Variants in MTF1 observed in about 807,000 individuals in gnomAD.
MTF1 encodes metal regulatory transcription factor 1.
MTF1 carries 22 observed loss-of-function variants against 70.4 expected under a neutral mutation model. The ratio of observed to expected loss-of-function variants is 0.31; its 90% CI spans 0.22 to 0.45. The LOEUF (loss-of-function observed/expected upper bound fraction) is 0.45. MTF1 is among the 20% of genes least tolerant of loss of function. MTF1 has a pLI of 1.00. For missense variants in MTF1, 649 were observed against 922.0 expected (o/e 0.70, Z 3.83); for synonymous variants, 333 against 352.8 (o/e 0.94, Z 0.63).
chr1:37,824,173 C>T (rs571555703), intron 7 of MTF1, among the ~76,000 whole-genome samples: 1 of 152,128 alleles, frequency 6.6e-6, no homozygotes, highest in Admixed American at 6.6e-5. Flanking sequence ...CAGGAATTGG[C>T]ACACTATGAC....
chr1:37,830,987 G>T (rs1641078057), intron 7 of MTF1, among the ~76,000 whole-genome samples: 1 of 152,242 alleles, frequency 6.6e-6, no homozygotes, highest in African/African-American at 2.4e-5. Flanking sequence ...AAGCCAGTAA[G>T]ATTGAGTTTT....
At chr1:37,828,371 T>A (rs1288177860) in intron 7 of MTF1, among the ~76,000 whole-genome samples, 1 of 152,134 alleles carries the variant, frequency 6.6e-6, no homozygotes, top group East Asian at 1.9e-4. Flanking sequence ...ATGGCACGAT[T>A]TCAGCTCACT....
chr1:37,815,609 G>A lies in MTF1; in HGVS notation c.1832-43C>T. The A allele has an allele frequency of 6.8e-7, 1 of 1,461,160 alleles. No individual in the cohort carries two copies. Among genetic ancestry groups the A allele is most frequent in the Non-Finnish European group, 9.2e-7 (1 of 1,084,452 alleles). The allele number at this position is 1,461,160 out of a possible 1,614,324, so 90.5% of individuals were successfully genotyped here. The stretch of plus-strand genomic sequence containing the variant: ...GAGACTGCTCTTCAAGTAGCTGCAG[G>A]GGCAGGAGCATGAGGGACAGGGATA... On this transcript the variant is annotated intron_variant, in intron 10 of 10. Transcript: ENST00000373036. This position sits in a 1 kb window ranked among gnomAD's most constrained non-coding sequence, Gnocchi z 4.5.
intron 2 of MTF1, among the ~76,000 whole-genome samples, chr1:37,845,725 G>C (rs1177613231): frequency 6.6e-6 from 1 of 152,038 alleles, no homozygotes; most frequent in Non-Finnish European, 1.5e-5. Flanking sequence ...AGGCTGGTCG[G>C]GAACTCCTGG....
chr1:37,829,981 A>G (rs1423769477), intron 7 of MTF1, among the ~76,000 whole-genome samples: 1 of 152,020 alleles, frequency 6.6e-6, no homozygotes, highest in Non-Finnish European at 1.5e-5. Context: ...TCCCTTTTTC[A>G]TAAGTACTTG....
At chr1:37,846,091 A>G (rs1366338183) in intron 2 of MTF1, among the ~76,000 whole-genome samples, 2 of 152,228 alleles carry the variant, frequency 1.3e-5, no homozygotes, top group Admixed American at 6.5e-5. Flanking sequence ...TTTCAATACA[A>G]CTAAGGTTTA....
chr1:37,836,867 CAGTTTT>C (rs1368725742), intron 4 of MTF1, among the ~76,000 whole-genome samples: 1 of 149,670 alleles, frequency 6.7e-6, no homozygotes, highest in Non-Finnish European at 1.5e-5. Context: ...AAGAAAAATG[CAGTTTT>C]AATCATCACA....
Position 37,838,595 on chromosome 1 carries a change from C to A in MTF1, c.779+30G>T. The A allele has an allele frequency of 1.9e-6, 3 of 1,587,314 alleles. No homozygotes were observed. The South Asian group carries it at 3.4e-5, about 18-fold the overall frequency. ...TCAAGACCCCCAGCTGAAACCTGGT[C>A]AGTGACAAATAGAAAACAGTAAGAC... On this transcript the variant is annotated intron_variant, in intron 4 of 10. Transcript: ENST00000373036.
In MTF1 at chr1:37,816,097, G is replaced by T. The variant is rs188485688; in HGVS notation, c.1832-531C>A. 2.0e-5 allele frequency among the ~76,000 whole-genome samples: 3 copies of T among 152,292 alleles called. No individual in the cohort carries two copies. The East Asian group carries it at 5.8e-4, about 29-fold the overall frequency. On this transcript the variant is annotated intron_variant, in intron 10 of 10. Transcript: ENST00000373036. ...TTCCTTCCACACCTCTCTCCTTGCG[G>T]TACAGGACCTGCTTGGTTCTGCCTG...
At chr1:37,835,348 A>G (rs771817127) in intron 5 of MTF1, 133 bp from the exon 6 acceptor site, 33 of 740,534 alleles carry the variant, frequency 4.5e-5, no homozygotes, top group Non-Finnish European at 6.6e-5. Context: ...AGTTCAATAA[A>G]TTACACATTA....
At chr1:37,841,018 G>T in intron 2 of MTF1, 1 of 218,692 alleles carries the variant, frequency 4.6e-6, no homozygotes, top group East Asian at 1.4e-4. Flanking sequence ...GCCTGGTCCA[G>T]GACATGAAGA....
At chr1:37,829,318 C>T (rs1641049817) in intron 7 of MTF1, among the ~76,000 whole-genome samples, 1 of 151,878 alleles carries the variant, frequency 6.6e-6, no homozygotes, top group South Asian at 2.1e-4. Context: ...AAAATACCAC[C>T]ACCACACCCA....
rs780341111 is a variant in MTF1, at chr1:37,857,429, C to A, written c.230G>T (p.Gly77Val). The A allele has an allele frequency of 1.1e-5, 18 of 1,614,076 alleles. No individual in the cohort carries two copies. Among genetic ancestry groups the A allele is most frequent in the Middle Eastern group, 1.6e-4 (1 of 6,084 alleles). Residue 77 changes from glycine to valine, a missense_variant, in exon 2 of 11, where the codon GGT becomes GTT. This residue lies in a region of MTF1 where 44 missense variants were observed against 38.1 expected (regional missense o/e 1.15). Transcript: ENST00000373036. ...ATCTATCAGGTGAAAGCCCTCTTCA[C>A]CCCCTACTAGAAAAGGCAAGTGTTC... ...CGEHLPFLVG[G>V]EEGFHLIDHE...
chr1:37,836,946 C>A (rs12736507), intron 4 of MTF1, among the ~76,000 whole-genome samples: 2 of 126,386 alleles, frequency 1.6e-5, no homozygotes, highest in Non-Finnish European at 3.2e-5. Flanking sequence ...GGAAGGGGGG[C>A]GGCGGGGAAT....
Position 37,815,866 on chromosome 1 carries a change from CCT to C in MTF1, c.1832-302_1832-301del, listed in dbSNP as rs1418904461. ...CTCCATTGCACCCTCCCTGTGGAGG[CCT>C]ACTTTTCCTGACACGTTCTTTATAC... is the stretch of plus-strand genomic sequence containing the variant. On this transcript the variant is annotated intron_variant, in intron 10 of 10. Coordinates refer to ENST00000373036, the MANE Select transcript of MTF1 (RefSeq NM_005955.3). This position sits in a 1 kb window ranked among gnomAD's most constrained non-coding sequence, Gnocchi z 4.5. 2.0e-5 allele frequency among the ~76,000 whole-genome samples: 3 copies of C among 152,162 alleles called. No homozygotes were observed. The highest frequency in any genetic ancestry group is 4.4e-5 in the Non-Finnish European group (3 of 68,016).
chr1:37,818,187 T>C (rs898119340), intron 9 of MTF1, among the ~76,000 whole-genome samples: 2 of 152,210 alleles, frequency 1.3e-5, no homozygotes, highest in Non-Finnish European at 2.9e-5. Flanking sequence ...TGTGGCAGTA[T>C]TGAGAGGCTG....
At chr1:37,831,562 T>C (rs1027611407) in intron 7 of MTF1, among the ~76,000 whole-genome samples, 6 of 152,152 alleles carry the variant, frequency 3.9e-5, no homozygotes, top group East Asian at 3.8e-4. Flanking sequence ...ATGTTCAACA[T>C]GGAGGAGGCT....
At chr1:37,843,654 T>C (rs1641290152) in intron 2 of MTF1, among the ~76,000 whole-genome samples, 1 of 152,218 alleles carries the variant, frequency 6.6e-6, no homozygotes, top group Non-Finnish European at 1.5e-5. Context: ...ACGTTACTTA[T>C]GGACACTAAA....
At chr1:37,835,317 GT>G in intron 5 of MTF1, 102 bp from the exon 6 acceptor site, 1 of 1,023,318 alleles carries the variant, frequency 9.8e-7, no homozygotes, top group Non-Finnish European at 1.5e-6. Flanking sequence ...TTTTAAGAGA[GT>G]TTGGGTAACA....
Sources: allele counts gnomAD v4.1 joint callset (sites outside exome capture counted in the v4.1 genomes callset), GRCh38; gene constraint gnomAD v4.1.1; regional missense constraint gnomAD v4.1.1; non-coding constraint Gnocchi (gnomAD v3.1); transcripts MANE v1.5; gene names NCBI Gene and HGNC (gene_info 2026-07-23, HGNC 2026-07-21).